Variants in PDLIM5 observed in about 807,000 individuals in gnomAD.
PDLIM5 encodes PDZ and LIM domain 5, also known as PDZ and LIM domain protein 5.
A neutral mutation model predicts 64.2 loss-of-function variants in PDLIM5; 34 were observed. The ratio of observed to expected loss-of-function variants is 0.53; its 90% CI spans 0.40 to 0.71. PDLIM5 has a LOEUF of 0.71. Among genes scored for constraint, PDLIM5 ranks in the 30% least tolerant of loss-of-function variants. The pLI is 0.00. For synonymous variants in PDLIM5, 253 were observed against 269.1 expected (o/e 0.94, Z 0.59); for missense variants, 683 against 733.6 (o/e 0.93, Z 0.80).
At chr4:94,584,178 A>G (rs1438841001) in intron 5 of PDLIM5, among the ~76,000 whole-genome samples, 2 of 152,220 alleles carry the variant, frequency 1.3e-5, no homozygotes, top group Non-Finnish European at 2.9e-5. Context: ...GACCACATTT[A>G]TAACACTTTC....
intron 5 of PDLIM5, chr4:94,577,155 C>T: frequency 1.1e-5 from 5 of 454,380 alleles, no homozygotes; most frequent in Non-Finnish European, 2.2e-5. Flanking sequence ...AAAAATGTAC[C>T]TTAAAAGGAA....
At chr4:94,560,226 G>A (rs2510769) in intron 3 of PDLIM5, among the ~76,000 whole-genome samples, 93,374 of 151,986 alleles carry the variant, frequency 0.61, 31,116 homozygotes, top group African/African-American at 0.89. Context: ...GATTGAACAT[G>A]TAACTGCTTT....
chr4:94,634,318 A>C (rs1560754934), intron 8 of PDLIM5, among the ~76,000 whole-genome samples: 1 of 152,116 alleles, frequency 6.6e-6, no homozygotes, highest in African/African-American at 2.4e-5. Flanking sequence ...AGGTGGTGAG[A>C]CATCATTATG....
chr4:94,665,185 A>G lies in PDLIM5; in HGVS notation c.*1118A>G. 1 of 932,274 alleles carries G rather than the reference A, an allele frequency of 1.1e-6. No homozygotes were observed. The highest frequency in any genetic ancestry group is 4.9e-5 in the South Asian group (1 of 20,444). The allele number at this position is 932,274 out of a possible 1,614,324, so 57.8% of individuals were successfully genotyped here. On this transcript the variant is annotated 3_prime_UTR_variant, in exon 13 of 13. Coordinates refer to ENST00000317968, the MANE Select transcript of PDLIM5 (RefSeq NM_006457.5). ...GCCTCTCATAGTTTTCTCTCTCTTTAAAGAGAATAAATAGAGGGCCAGGTG... is the reference window on the plus strand; with the variant it reads ...GCCTCTCATAGTTTTCTCTCTCTTTGAAGAGAATAAATAGAGGGCCAGGTG...
intron 7 of PDLIM5, among the ~76,000 whole-genome samples, chr4:94,617,200 A>T (rs933017062): frequency 1.4e-4 from 21 of 150,324 alleles, no homozygotes; most frequent in Admixed American, 5.3e-4. Context: ...TAGAATTATT[A>T]TTTTTTTTTT....
At chr4:94,631,728 G>A (rs1740163183) in intron 8 of PDLIM5, among the ~76,000 whole-genome samples, 1 of 152,170 alleles carries the variant, frequency 6.6e-6, no homozygotes, top group Non-Finnish European at 1.5e-5. Context: ...AATAGACATG[G>A]TTTTGGATCC....
rs182529036 is a variant in PDLIM5, at chr4:94,598,002, G to A, written c.920+11558G>A. On this transcript the variant is annotated intron_variant, in intron 7 of 12. Coordinates refer to ENST00000317968, the MANE Select transcript of PDLIM5 (RefSeq NM_006457.5). ...TAATTTTAACAATTGATCAAAGAAA[G>A]ACCCTTAAAATTCCTTTGAATTTAA... is the stretch of plus-strand genomic sequence containing the variant. Among the ~76,000 whole-genome samples the A allele has an allele frequency of 1.9e-3, 292 of 152,212 alleles. 1 individual carries two copies. Among genetic ancestry groups the A allele is most frequent in the Non-Finnish European group, 3.3e-3 (225 of 67,970 alleles).
At chr4:94,641,205 A>G (rs572556880) in intron 9 of PDLIM5, among the ~76,000 whole-genome samples, 16 of 152,352 alleles carry the variant, frequency 1.1e-4, no homozygotes, top group Non-Finnish European at 1.9e-4. Context: ...GGTCCTTTGA[A>G]GTGACTTCTC....
intron 2 of PDLIM5, among the ~76,000 whole-genome samples, chr4:94,474,413 A>G (rs11097430): frequency 0.019 from 2,946 of 151,376 alleles, 75 homozygotes; most frequent in African/African-American, 0.061. Context: ...ACCACGCCTG[A>G]CTAATTTTTG....
chr4:94,485,786 G>A (rs1249463665), intron 2 of PDLIM5, among the ~76,000 whole-genome samples: 2 of 146,904 alleles, frequency 1.4e-5, no homozygotes, highest in African/African-American at 5.1e-5. Flanking sequence ...GAAGGCGGAA[G>A]TTGCAGCGAG....
intron 2 of PDLIM5, among the ~76,000 whole-genome samples, chr4:94,468,066 T>C (rs1330670433): frequency 6.6e-6 from 1 of 152,204 alleles, no homozygotes; most frequent in Admixed American, 6.5e-5. Flanking sequence ...AATTATGAAG[T>C]AAGGAAACTG....
At chr4:94,586,009 A>G (rs1191435281) in intron 6 of PDLIM5, among the ~76,000 whole-genome samples, 1 of 152,038 alleles carries the variant, frequency 6.6e-6, no homozygotes, top group East Asian at 1.9e-4. Context: ...GCCTTTACTA[A>G]AAATACAAAA....
Position 94,511,416 on chromosome 4 carries a change from G to A in PDLIM5, c.97-12308G>A, listed in dbSNP as rs79975068. Reference sequence around the variant, plus strand: ...GCATGCAATGCATAATAATCACATCGTGGAGAATCGGGTCTCCATCCCCTG... The same window carrying A: ...GCATGCAATGCATAATAATCACATCATGGAGAATCGGGTCTCCATCCCCTG... On this transcript the variant is annotated intron_variant, in intron 2 of 12. Coordinates refer to ENST00000317968, the MANE Select transcript of PDLIM5 (RefSeq NM_006457.5). 2.4e-3 allele frequency among the ~76,000 whole-genome samples: 369 copies of A among 152,080 alleles called. 7 individuals are homozygous for A. In the East Asian group the frequency reaches 0.055, roughly 23 times the overall value.
chr4:94,521,607 A>C (rs577045169), intron 2 of PDLIM5, among the ~76,000 whole-genome samples: 10 of 151,256 alleles, frequency 6.6e-5, no homozygotes, highest in African/African-American at 2.4e-4. Context: ...ATAGCCTCTC[A>C]AGAGATCTAG....
chr4:94,618,603 T>C (rs1738975156), intron 8 of PDLIM5, among the ~76,000 whole-genome samples: 1 of 152,218 alleles, frequency 6.6e-6, no homozygotes, highest in African/African-American at 2.4e-5. Flanking sequence ...AGAAAGCATC[T>C]TCCAATTCTT....
At chr4:94,591,717 G>A (rs1312376824) in intron 7 of PDLIM5, among the ~76,000 whole-genome samples, 2 of 152,344 alleles carry the variant, frequency 1.3e-5, no homozygotes, top group South Asian at 2.1e-4. Context: ...GCTGTCCTAA[G>A]TTTTGTTTGC....
chr4:94,499,051 A>G (rs1176739171), intron 2 of PDLIM5, among the ~76,000 whole-genome samples: 3 of 152,222 alleles, frequency 2.0e-5, no homozygotes, highest in African/African-American at 7.2e-5. Flanking sequence ...TTAGTAGACC[A>G]TATGAATGAG....
intron 2 of PDLIM5, among the ~76,000 whole-genome samples, chr4:94,492,761 T>C (rs1441905036): frequency 6.6e-6 from 1 of 152,228 alleles, no homozygotes; most frequent in Non-Finnish European, 1.5e-5. Context: ...CATATGTTTA[T>C]TCATTCATCA....
chr4:94,583,229 A>G (rs777744240), intron 5 of PDLIM5, among the ~76,000 whole-genome samples: 8 of 152,162 alleles, frequency 5.3e-5, no homozygotes, highest in Non-Finnish European at 8.8e-5. Flanking sequence ...ATCATTTGAC[A>G]TAAGACCTTA....
Sources: allele counts gnomAD v4.1 joint callset (sites outside exome capture counted in the v4.1 genomes callset), GRCh38; gene constraint gnomAD v4.1.1; transcripts MANE v1.5; gene names NCBI Gene and HGNC (gene_info 2026-07-23, HGNC 2026-07-21).